Variants in MSTN observed in about 807,000 individuals in gnomAD.
MSTN encodes the protein growth/differentiation factor 8.
A neutral mutation model predicts 32.3 loss-of-function variants in MSTN; 12 were observed. The observed-to-expected ratio is 0.37, with a 90% CI of 0.24 to 0.60. MSTN has a LOEUF of 0.60. MSTN is among the 20% of genes least tolerant of loss of function. The pLI is 0.67. For synonymous variants in MSTN, 168 were observed against 155.1 expected (o/e 1.08, Z -0.62); for missense variants, 403 against 450.3 (o/e 0.89, Z 0.95).
At chr2:190,061,818 C>CTT (rs879465495) in intron 1 of MSTN, among the ~76,000 whole-genome samples, 1 of 144,208 alleles carries the variant, frequency 6.9e-6, no homozygotes, top group African/African-American at 2.5e-5. Context: ...CAGCAAGTTT[C>CTT]TTTTTTTTTT....
intron 1 of MSTN, among the ~76,000 whole-genome samples, chr2:190,060,907 G>A (rs999696343): frequency 2.6e-5 from 4 of 151,938 alleles, no homozygotes; most frequent in African/African-American, 9.7e-5. Context: ...GCAACTTACT[G>A]AGCCTCAGGA....
chr2:190,060,226 C>A lies in MSTN; in HGVS notation c.583G>T (p.Asp195Tyr), dbSNP rs930314905. ...CAAATACCAGTGCCTGGGTTCATGT[C>A]AAGTTTCAGAGATCGGATTCCAGTA... ...RYTGIRSLKLDMNPGTGIWQS... is the reference protein window; with the variant it reads ...RYTGIRSLKLYMNPGTGIWQS... Residue 195 changes from aspartate to tyrosine, a missense_variant, in exon 2 of 3, where the codon GAC becomes TAC. Coordinates refer to ENST00000260950, the MANE Select transcript of MSTN (RefSeq NM_005259.3). 2 of 1,613,086 alleles carry A rather than the reference C, an allele frequency of 1.2e-6. No homozygotes were observed.
rs1360536436 is a variant in MSTN at position 190,057,556 on chromosome 2, G to C, written c.830C>G (p.Thr277Arg). ...DFGLDCDEHS[T>R]ESRCCRYPLT... ...AGGGTAACGACAGCATCGTGATTCT[G>C]TTGAGTGCTCATCACAGTCAAGACC... The change falls in exon 3 of 3, where the codon ACA (threonine) becomes AGA (arginine). Residue 277 changes from threonine (T) to arginine (R), a missense_variant. Coordinates refer to ENST00000260950, the MANE Select transcript of MSTN (RefSeq NM_005259.3). 6.2e-7 allele frequency: 1 copy of C among 1,613,558 alleles called. No homozygotes were observed. The highest frequency in any genetic ancestry group is 2.2e-5 in the East Asian group (1 of 44,870).
In MSTN at chr2:190,062,569, T is replaced by C. The variant is rs1405298432; in HGVS notation, c.28A>G (p.Ile10Val). The C allele has an allele frequency of 1.9e-6, 3 of 1,612,680 alleles. No individual in the cohort carries two copies. The highest frequency in any genetic ancestry group is 1.7e-5 in the Admixed American group (1 of 59,814). Residue 10 changes from isoleucine (I) to valine (V), a missense_variant, in exon 1 of 3, where the codon ATT (isoleucine) becomes GTT (valine). Transcript: ENST00000260950. ...GCAACAATCAGCATAAACAGGTAAATATAAACACAGAGTTGCAGTTTTTGC... is the reference window on the plus strand; with the variant it reads ...GCAACAATCAGCATAAACAGGTAAACATAAACACAGAGTTGCAGTTTTTGC... MQKLQLCVY[I>V]YLFMLIVAGP... is the part of the protein sequence containing the mutation.
At chr2:190,061,636 T>G (rs1575558967) in intron 1 of MSTN, among the ~76,000 whole-genome samples, 2 of 152,070 alleles carry the variant, frequency 1.3e-5, no homozygotes, top group Admixed American at 6.6e-5. Context: ...CTATGTTTAC[T>G]TCATTATTGT....
chr2:190,062,494 T>C lies in MSTN; in HGVS notation c.103A>G (p.Lys35Glu). ...ENSEQKENVE[K>E]EGLCNACTWR... ...GTACATGCATTACACAGCCCCTCTTTTTCCACATTTTCTTTTTGCTCACTG... is the reference window on the plus strand; with the variant it reads ...GTACATGCATTACACAGCCCCTCTTCTTCCACATTTTCTTTTTGCTCACTG... The change falls in exon 1 of 3, where the codon AAA becomes GAA. Residue 35 changes from lysine (K) to glutamate (E), a missense_variant. Transcript: ENST00000260950. 1.2e-6 allele frequency: 2 copies of C among 1,613,576 alleles called. No homozygotes were observed. The highest frequency in any genetic ancestry group is 1.3e-5 in the African/African-American group (1 of 74,988).
rs142198675 is a variant in MSTN, at chr2:190,060,063, A to G, written c.746T>C (p.Leu249Pro). Residue 249 changes from leucine to proline, a missense_variant and splice_region_variant, in exon 2 of 3, where the codon CTG (leucine) becomes CCG (proline). Transcript: ENST00000260950. The part of the protein sequence containing the change: ...VTFPGPGEDG[L>P]NPFLEVKVTD... ...ATGTTATTTTCAGTTATCACTTACC[A>G]GCCCATCTTCTCCTGGTCCTGGGAA... is the stretch of plus-strand genomic sequence containing the variant. 5.6e-6 allele frequency: 9 copies of G among 1,611,816 alleles called. No individual in the cohort carries two copies. In the African/African-American group the frequency reaches 9.4e-5, roughly 17 times the overall value.
chr2:190,061,678 G>A (rs763439759), intron 1 of MSTN, among the ~76,000 whole-genome samples: 18 of 151,758 alleles, frequency 1.2e-4, no homozygotes, highest in Non-Finnish European at 2.4e-4. Flanking sequence ...TTTAATTTTT[G>A]CATATTCTTC....
chr2:190,060,008 T>A (rs1173570715), intron 2 of MSTN, 54 bp downstream of exon 2: 6 of 1,552,898 alleles, frequency 3.9e-6, no homozygotes, highest in Non-Finnish European at 4.4e-6. Context: ...TGTTTGTTCA[T>A]ATTATGAATA....
In MSTN at chr2:190,060,079, G is replaced by C. The variant is rs770535740; in HGVS notation, c.730C>G (p.Pro244Ala). The change falls in exon 2 of 3, where the codon CCA (proline) becomes GCA (alanine). Residue 244 changes from proline to alanine, a missense_variant. Physicochemically the swap from Pro to Ala is conservative, Grantham distance 27 (BLOSUM62 -1). Transcript: ENST00000260950. ...GHDLAVTFPG[P>A]GEDGLNPFLE... ...TCACTTACCAGCCCATCTTCTCCTG[G>C]TCCTGGGAAGGTTACAGCAAGATCA... The C allele has an allele frequency of 1.2e-6, 2 of 1,612,206 alleles. No homozygotes were observed. Among genetic ancestry groups the C allele is most frequent in the Non-Finnish European group, 1.7e-6 (2 of 1,178,728 alleles).
chr2:190,057,284 C>T lies in MSTN; in HGVS notation c.1102G>A (p.Val368Ile), dbSNP rs1475410773. The T allele has an allele frequency of 6.2e-7, 1 of 1,613,266 alleles. No homozygotes were observed. Among genetic ancestry groups the T allele is most frequent in the East Asian group, 2.2e-5 (1 of 44,870 alleles). Residue 368 changes from valine to isoleucine, a missense_variant, in exon 3 of 3, where the codon GTA (valine) becomes ATA (isoleucine). Transcript: ENST00000260950. ...CATGAGCACCCACAGCGGTCTACTA[C>T]CATCGCTGGAATTTTCCCATATATT... ...QIIYGKIPAM[V>I]VDRCGCS is the part of the protein sequence containing the mutation.
At chr2:190,062,176 G>C (rs2105755068) in intron 1 of MSTN, 48 bp downstream of exon 1, 1 of 1,600,274 alleles carries the variant, frequency 6.2e-7, no homozygotes, top group South Asian at 1.1e-5. Flanking sequence ...ATAAACACTA[G>C]AACAACAGTC....
Position 190,062,270 on chromosome 2 carries a change from G to C in MSTN, c.327C>G (p.Asp109Glu). 1 of 1,612,936 alleles carries C rather than the reference G, an allele frequency of 6.2e-7. No individual in the cohort carries two copies. The change falls in exon 1 of 3, where the codon GAC (aspartate) becomes GAG (glutamate). Residue 109 changes from aspartate to glutamate, a missense_variant. Asp to Glu is a conservative substitution (Grantham distance 45). Transcript: ENST00000260950. ...DDSSDGSLED[D>E]DYHATTETII... ...TTGTTTCCGTTGTAGCGTGATAATC[G>C]TCATCTTCCAAAGAGCCATCGCTGC...
At chr2:190,060,612 C>T (rs1338353211) in intron 1 of MSTN, among the ~76,000 whole-genome samples, 177 bp from the exon 2 acceptor site, 1 of 152,052 alleles carries the variant, frequency 6.6e-6, no homozygotes, top group East Asian at 1.9e-4. Flanking sequence ...AATAATTACC[C>T]TAGCTTTTCA....
In MSTN at chr2:190,062,251, C is replaced by G; in HGVS notation, c.346G>C (p.Glu116Gln). The change falls in exon 1 of 3, where the codon GAA becomes CAA. Residue 116 changes from glutamate to glutamine, a missense_variant. Physicochemically the swap from Glu to Gln is conservative, Grantham distance 29. Coordinates refer to ENST00000260950, the MANE Select transcript of MSTN (RefSeq NM_005259.3). ...TCTGTAGGCATGGTAATGATTGTTT[C>G]CGTTGTAGCGTGATAATCGTCATCT... ...LEDDDYHATT[E>Q]TIITMPTESD... The G allele has an allele frequency of 1.2e-6, 2 of 1,613,036 alleles. No homozygotes were observed. Among genetic ancestry groups the G allele is most frequent in the Non-Finnish European group, 1.7e-6 (2 of 1,179,242 alleles).
intron 2 of MSTN, 115 bp downstream of exon 2, chr2:190,059,947 T>TA: frequency 9.1e-7 from 1 of 1,100,316 alleles, no homozygotes; most frequent in Non-Finnish European, 1.3e-6. Context: ...TGGGGTAAGA[T>TA]ACCTTTGTCT....
At position 190,055,703 on chromosome 2, in the gene MSTN, C is replaced by CT. The variant is rs1685402202; in HGVS notation, c.*1554dup. The CT allele has an allele frequency of 6.6e-6, 1 of 152,032 alleles. No individual in the cohort carries two copies. Among genetic ancestry groups the CT allele is most frequent in the Non-Finnish European group, 1.5e-5 (1 of 67,980 alleles). 9.4% of individuals were successfully genotyped at this position (152,032 alleles called of 1,614,324 possible). A position where few individuals can be genotyped will look rare whatever the true frequency, so the allele number is the denominator to read the frequency against. ...ATCATTAGAATAAAAACTGTTGTGT[C>CT]TTTCAAAAAAATGTGAAAACACTTT... On this transcript the variant is annotated 3_prime_UTR_variant, in exon 3 of 3. Coordinates refer to ENST00000260950, the MANE Select transcript of MSTN (RefSeq NM_005259.3).
chr2:190,057,195 T>C lies in MSTN; in HGVS notation c.*63A>G. 1 of 1,591,378 alleles carries C rather than the reference T, an allele frequency of 6.3e-7. No individual in the cohort carries two copies. The highest frequency in any genetic ancestry group is 1.1e-5 in the South Asian group (1 of 89,830). On this transcript the variant is annotated 3_prime_UTR_variant, in exon 3 of 3. Coordinates refer to ENST00000260950, the MANE Select transcript of MSTN (RefSeq NM_005259.3). ...AGCCTGTGGTACTTAATTTCACAGC[T>C]TCAAAATTGTTGAGGGGAAAACCTT... is the stretch of plus-strand genomic sequence containing the variant.
At chr2:190,061,041 G>T (rs565650643) in intron 1 of MSTN, among the ~76,000 whole-genome samples, 10 of 152,046 alleles carry the variant, frequency 6.6e-5, no homozygotes, top group Non-Finnish European at 1.0e-4. Flanking sequence ...TGAAAAGTTC[G>T]AAAGTATTGT....
Sources: allele counts gnomAD v4.1 joint callset (sites outside exome capture counted in the v4.1 genomes callset), GRCh38; gene constraint gnomAD v4.1.1; transcripts MANE v1.5; gene names NCBI Gene and HGNC (gene_info 2026-07-23, HGNC 2026-07-21).